The following SGCZ variants were observed in gnomAD, a reference collection of about 807,000 sequenced individuals.
The protein encoded by SGCZ is sarcoglycan zeta.
In SGCZ, 40 loss-of-function variants were observed where a neutral mutation model predicts 41.3. The ratio of observed to expected loss-of-function variants is 0.97; its 90% CI spans 0.75 to 1.26. The LOEUF (loss-of-function observed/expected upper bound fraction) is 1.26, where lower values mean the gene tolerates loss of function less well. Among genes scored for constraint, SGCZ ranks in the 50% most tolerant of loss-of-function variants. The pLI is 0.00. For synonymous variants in SGCZ, 206 were observed against 137.5 expected, an observed-to-expected ratio of 1.50 and a Z score of -3.49; for missense variants, 552 against 369.8, an observed-to-expected ratio of 1.49 and a Z score of -4.04.
chr8:14,422,429 T>A (rs1352939782), intron 2 of SGCZ, among the ~76,000 whole-genome samples: 1 of 152,208 alleles, frequency 6.6e-6, no homozygotes, highest in African/African-American at 2.4e-5. Context: ...GGAAACTGTA[T>A]TGGAGACAAT....
chr8:14,560,064 G>T (rs1026123207), intron 1 of SGCZ, among the ~76,000 whole-genome samples: 1 of 152,040 alleles, frequency 6.6e-6, no homozygotes, highest in Non-Finnish European at 1.5e-5. Context: ...AACATAAAAA[G>T]AGAATAGTAT....
intron 1 of SGCZ, among the ~76,000 whole-genome samples, chr8:15,145,133 C>T (rs929092628): frequency 5.9e-5 from 9 of 152,278 alleles, no homozygotes; most frequent in South Asian, 4.1e-4. Context: ...CCTGCCGTAT[C>T]GCCTCAGTCC....
chr8:14,232,172 A>C (rs1806596148), intron 4 of SGCZ, among the ~76,000 whole-genome samples: 1 of 151,688 alleles, frequency 6.6e-6, no homozygotes, highest in African/African-American at 2.4e-5. Flanking sequence ...TTCAATTTTT[A>C]AGTGTGTAGC....
intron 1 of SGCZ, among the ~76,000 whole-genome samples, chr8:14,872,785 T>A (rs1399898559): frequency 6.6e-6 from 1 of 152,162 alleles, no homozygotes; most frequent in African/African-American, 2.4e-5. Flanking sequence ...GCTCCTTGAA[T>A]ATGGCTATAC....
intron 5 of SGCZ, among the ~76,000 whole-genome samples, chr8:14,131,409 T>G (rs1183378767): frequency 6.6e-6 from 1 of 152,206 alleles, no homozygotes; most frequent in Admixed American, 6.5e-5. Context: ...GACAAGTTGT[T>G]GTTGTTTTTG....
Position 14,531,045 on chromosome 8 carries a change from G to C in SGCZ, c.234+23687C>G, listed in dbSNP as rs561728616. ...GTGTGAAGTCTGAACACCAAACTAC[G>C]AGCTCCAGATGGAGTCCATGGACCA... On this transcript the variant is annotated intron_variant, in intron 2 of 7. Coordinates refer to ENST00000382080, the MANE Select transcript of SGCZ (RefSeq NM_139167.4). Among the ~76,000 whole-genome samples the C allele has an allele frequency of 1.8e-4, 28 of 152,052 alleles. 1 individual carries two copies. The South Asian group carries it at 5.4e-3, about 29-fold the overall frequency.
intron 3 of SGCZ, among the ~76,000 whole-genome samples, chr8:14,261,420 G>A (rs79543185): frequency 2.6e-4 from 39 of 152,228 alleles, no homozygotes; most frequent in Admixed American, 1.8e-3. Flanking sequence ...AAGAATTACC[G>A]TAGTGTAAAT....
chr8:14,907,125 ATTTAG>A (rs1799140052), intron 1 of SGCZ, among the ~76,000 whole-genome samples: 3 of 152,106 alleles, frequency 2.0e-5, no homozygotes, highest in African/African-American at 7.2e-5. Context: ...TAAACTGATA[ATTTAG>A]TTTATCCAGG....
intron 1 of SGCZ, among the ~76,000 whole-genome samples, chr8:15,136,719 G>T (rs774988131): frequency 2.6e-5 from 4 of 152,128 alleles, no homozygotes; most frequent in African/African-American, 9.7e-5. Flanking sequence ...CTTTAACCAT[G>T]ATTGTAAGTT....
intron 2 of SGCZ, among the ~76,000 whole-genome samples, chr8:14,404,482 C>G (rs1270658222): frequency 6.6e-6 from 1 of 152,048 alleles, no homozygotes; most frequent in African/African-American, 2.4e-5. Flanking sequence ...TGAAATAATA[C>G]TAAATGATTA....
intron 1 of SGCZ, among the ~76,000 whole-genome samples, chr8:15,053,768 A>G (rs748765169): frequency 6.6e-5 from 10 of 152,138 alleles, no homozygotes; most frequent in Non-Finnish European, 1.2e-4. Flanking sequence ...TACCTGGATT[A>G]CCTTCATTCA....
chr8:14,687,343 C>G (rs950266209), intron 1 of SGCZ, among the ~76,000 whole-genome samples: 2,547 of 146,854 alleles, frequency 0.017, 73 homozygotes, highest in African/African-American at 0.058. Flanking sequence ...ATCCCTCCCC[C>G]CTCCCCACAC....
chr8:14,882,590 T>C (rs1323758892), intron 1 of SGCZ, among the ~76,000 whole-genome samples: 1 of 152,184 alleles, frequency 6.6e-6, no homozygotes, highest in Non-Finnish European at 1.5e-5. Flanking sequence ...CTTAGGTTCT[T>C]AGAACTCATT....
At chr8:14,182,354 A>G (rs1804756910) in intron 4 of SGCZ, among the ~76,000 whole-genome samples, 1 of 152,146 alleles carries the variant, frequency 6.6e-6, no homozygotes. Context: ...CTGAGAACCA[A>G]CCAGGAAATC....
At chr8:14,510,175 T>C (rs1201886826) in intron 2 of SGCZ, among the ~76,000 whole-genome samples, 1 of 152,182 alleles carries the variant, frequency 6.6e-6, no homozygotes, top group Non-Finnish European at 1.5e-5. Context: ...TACAAATACC[T>C]AATAAGTTTT....
intron 2 of SGCZ, among the ~76,000 whole-genome samples, chr8:14,502,881 G>A (rs1458414053): frequency 6.6e-6 from 1 of 152,196 alleles, no homozygotes; most frequent in Admixed American, 6.5e-5. Context: ...GTGGAAGACA[G>A]TGTGGTGATT....
chr8:14,545,054 C>A (rs1459645234), intron 2 of SGCZ, among the ~76,000 whole-genome samples: 1 of 152,080 alleles, frequency 6.6e-6, no homozygotes, highest in African/African-American at 2.4e-5. Context: ...TGATGTCACC[C>A]CTAGCGGCCC....
intron 1 of SGCZ, among the ~76,000 whole-genome samples, chr8:14,663,055 G>A (rs769271890): frequency 1.2e-4 from 19 of 152,126 alleles, no homozygotes; most frequent in Non-Finnish European, 2.1e-4. Context: ...AAGAAATGCA[G>A]TTCTGCCAAC....
intron 5 of SGCZ, among the ~76,000 whole-genome samples, chr8:14,150,111 C>G (rs1048560301): frequency 6.6e-6 from 1 of 152,096 alleles, no homozygotes; most frequent in Non-Finnish European, 1.5e-5. Context: ...AGACATTGGT[C>G]TGGGCAAAAA....
Sources: allele counts gnomAD v4.1 joint callset (sites outside exome capture counted in the v4.1 genomes callset), GRCh38; gene constraint gnomAD v4.1.1; transcripts MANE v1.5; gene names NCBI Gene and HGNC (gene_info 2026-07-23, HGNC 2026-07-21).